The following EPHX3 variants were observed in gnomAD, a reference collection of about 807,000 sequenced individuals.
The protein encoded by EPHX3 is abhydrolase domain containing 9.
EPHX3 carries 39 observed loss-of-function variants against 40.2 expected under a neutral mutation model. The ratio of observed to expected loss-of-function variants is 0.97; its 90% CI spans 0.75 to 1.27. The LOEUF is 1.27. EPHX3 is among the 50% of genes most tolerant of loss of function. The pLI, the probability that EPHX3 is intolerant of heterozygous loss-of-function variation, is 0.00. For missense variants in EPHX3, 442 were observed against 474.0 expected (o/e 0.93, Z 0.63); for synonymous variants, 213 against 209.7 (o/e 1.02, Z -0.14).
chr19:15,230,926 T>C (rs1218230110), intron 4 of EPHX3, 36 bp downstream of exon 4: 7 of 1,609,184 alleles, frequency 4.4e-6, no homozygotes, highest in Non-Finnish European at 5.9e-6. Context: ...CCCTTGCACA[T>C]AAGTACATCC....
At chr19:15,231,453 C>A in intron 2 of EPHX3, 57 bp from the exon 3 acceptor site, 1 of 1,579,988 alleles carries the variant, frequency 6.3e-7, no homozygotes, top group African/African-American at 1.3e-5. Context: ...GCACCTGCAC[C>A]CTACGCACAT....
At chr19:15,233,053 T>C (rs2145487160), upstream of EPHX3, 1 of 134,444 alleles carries the variant, frequency 7.4e-6, no homozygotes, top group East Asian at 2.5e-4. Context: ...CTTATGCGGG[T>C]GGGCGGGGAG....
At chr19:15,235,125 C>T (rs1483352146), upstream of EPHX3, among the ~76,000 whole-genome samples, 7 of 152,048 alleles carry the variant, frequency 4.6e-5, no homozygotes, top group Non-Finnish European at 1.0e-4. Context: ...CCTCAGCCTC[C>T]GGAGTAGCCG....
rs1409360396 is a variant in EPHX3 at position 15,232,047 on chromosome 19, G to C, written c.165C>G (p.Cys55Trp). Reference sequence around the variant, plus strand: ...GGGACGCGCTCCGACGGCGCCCGCAGCAGCCGCGCCGGGGCCGGCACAGCA... The same window carrying C: ...GGGACGCGCTCCGACGGCGCCCGCACCAGCCGCGCCGGGGCCGGCACAGCA... ...THVLCRPRRG[C>W]CGRRRSASPA... The change falls in exon 1 of 7, where the codon TGC (cysteine) becomes TGG (tryptophan). Residue 55 changes from cysteine to tryptophan, a missense_variant. Transcript: ENST00000221730. 1.9e-6 allele frequency: 3 copies of C among 1,582,400 alleles called. No homozygotes were observed. Among genetic ancestry groups the C allele is most frequent in the Non-Finnish European group, 2.6e-6 (3 of 1,170,928 alleles).
Position 15,227,107 on chromosome 19 carries a change from T to C in EPHX3, c.*330A>G, listed in dbSNP as rs917194811. On this transcript the variant is annotated 3_prime_UTR_variant, in exon 7 of 7. Coordinates refer to ENST00000221730, the MANE Select transcript of EPHX3 (RefSeq NM_024794.3). ...TGCAGCTATGGCAGAGAAGCGACTTTGGCAAAGCGCAGAGTGAGGCCCCAG... is the reference window on the plus strand; with the variant it reads ...TGCAGCTATGGCAGAGAAGCGACTTCGGCAAAGCGCAGAGTGAGGCCCCAG... 1 of 367,054 alleles carries C rather than the reference T, an allele frequency of 2.7e-6. No homozygotes were observed. Among genetic ancestry groups the C allele is most frequent in the African/African-American group, 2.1e-5 (1 of 48,746 alleles). The allele number at this position is 367,054 out of a possible 1,614,324, so 22.7% of individuals were successfully genotyped here. A position where few individuals can be genotyped will look rare whatever the true frequency, so the allele number is the denominator to read the frequency against.
chr19:15,227,816 G>A lies in EPHX3; in HGVS notation c.812C>T (p.Pro271Leu). ...LEAFLYNFSQ[P>L]GGLTGPLNYY... ...GTTGAGGGGCCCAGTGAGGCCACCA[G>A]GCTGTGAGAAGTTATAAAGGAAGGC... is the stretch of plus-strand genomic sequence containing the variant. Residue 271 changes from proline (P) to leucine (L), a missense_variant, in exon 6 of 7, where the codon CCT becomes CTT. Physicochemically the swap from Pro to Leu is moderately conservative, Grantham distance 98. Coordinates refer to ENST00000221730, the MANE Select transcript of EPHX3 (RefSeq NM_024794.3). The A allele has an allele frequency of 6.2e-7, 1 of 1,614,038 alleles. No homozygotes were observed. The highest frequency in any genetic ancestry group is 1.1e-5 in the South Asian group (1 of 91,084).
upstream of EPHX3, among the ~76,000 whole-genome samples, chr19:15,232,658 C>A (rs2047164304): frequency 6.6e-6 from 1 of 152,062 alleles, no homozygotes; most frequent in Non-Finnish European, 1.5e-5. Context: ...GGGCGGATCA[C>A]CTGAGATCAA....
Position 15,231,971 on chromosome 19 carries a change from T to G in EPHX3, c.241A>C (p.Lys81Gln). 1 of 1,611,832 alleles carries G rather than the reference T, an allele frequency of 6.2e-7. No homozygotes were observed. Among genetic ancestry groups the G allele is most frequent in the Non-Finnish European group, 8.5e-7 (1 of 1,179,782 alleles). The part of the protein sequence containing the change: ...SLGEHGFLNL[K>Q]SSGLRLHYVS... ...CGATAGCGCCCCCGTGCGATCACCT[T>G]GAGGTTCAGGAAACCGTGCTCACCC... The change falls in exon 1 of 7, where the codon AAG becomes CAG. Residue 81 changes from lysine (K) to glutamine (Q), a missense_variant and splice_region_variant. By Grantham distance (53) the Lys-to-Gln change is moderately conservative. Transcript: ENST00000221730.
Position 15,227,611 on chromosome 19 carries a change from C to A in EPHX3, c.909G>T (p.Trp303Cys), listed in dbSNP as rs771329246. The A allele has an allele frequency of 4.3e-6, 7 of 1,614,140 alleles. No individual in the cohort carries two copies. The highest frequency in any genetic ancestry group is 5.9e-6 in the Non-Finnish European group (7 of 1,180,038). The change falls in exon 7 of 7, where the codon TGG becomes TGT. Residue 303 changes from tryptophan to cysteine, a missense_variant. By Grantham distance (215) the Trp-to-Cys change is radical. Coordinates refer to ENST00000221730, the MANE Select transcript of EPHX3 (RefSeq NM_024794.3). ...GCTCCAAGTAAGTGTCCTTCTCCCC[C>A]CACAGCAGCAATGTGGGTGTGGTCA... is the stretch of plus-strand genomic sequence containing the variant. ...QELTTPTLLL[W>C]GEKDTYLELG...
In EPHX3 at chr19:15,228,285, T is replaced by C. The variant is rs190521108; in HGVS notation, c.617-185A>G. ...GCACCAGCTACATTCCCTCCTGCCATGTTTCACTATCCACAGGATGGGGGC... is the reference window on the plus strand; with the variant it reads ...GCACCAGCTACATTCCCTCCTGCCACGTTTCACTATCCACAGGATGGGGGC... On this transcript the variant is annotated intron_variant, in intron 4 of 6. Transcript: ENST00000221730. Among the ~76,000 whole-genome samples, 43 of 152,164 alleles carry C rather than the reference T, an allele frequency of 2.8e-4. 1 individual carries two copies. The highest frequency in any genetic ancestry group is 6.8e-3 in the Middle Eastern group (2 of 294).
At chr19:15,234,030 A>C (rs1017972359), upstream of EPHX3, among the ~76,000 whole-genome samples, 2 of 151,500 alleles carry the variant, frequency 1.3e-5, no homozygotes, top group Non-Finnish European at 2.9e-5. Flanking sequence ...ACTGCACTCC[A>C]GCCAGGGCGA....
Position 15,227,606 on chromosome 19 carries a change from TC to T in EPHX3, c.913del (p.Glu305ArgfsTer31). The T allele has an allele frequency of 1.9e-6, 3 of 1,613,846 alleles. No homozygotes were observed. Among genetic ancestry groups the T allele is most frequent in the Non-Finnish European group, 1.7e-6 (2 of 1,179,988 alleles). ...CCCCAGCTCCAAGTAAGTGTCCTTC[TC>T]CCCCCACAGCAGCAATGTGGGTGTG... ...LTTPTLLLWG[E>X]KDTYLELGLV... On this transcript the variant is annotated frameshift_variant, in exon 7 of 7. Coordinates refer to ENST00000221730, the MANE Select transcript of EPHX3 (RefSeq NM_024794.3). LOFTEE classifies it high-confidence loss of function.
At chr19:15,236,148 G>C (rs2047190480), upstream of EPHX3, 1 of 152,178 alleles carries the variant, frequency 6.6e-6, no homozygotes, top group Non-Finnish European at 1.5e-5. Context: ...GACCTTTCAG[G>C]TCAAAAAGAG....
upstream of EPHX3, among the ~76,000 whole-genome samples, chr19:15,234,816 G>A (rs2047179496): frequency 6.6e-6 from 1 of 152,174 alleles, no homozygotes; most frequent in Admixed American, 6.5e-5. Context: ...CTAAGTCCAT[G>A]AAGTTGCCAC....
chr19:15,231,201 T>C (rs761171167), intron 3 of EPHX3, 38 bp downstream of exon 3: 32 of 1,613,218 alleles, frequency 2.0e-5, no homozygotes, highest in Non-Finnish European at 2.6e-5. Flanking sequence ...GTGTGCAGGA[T>C]GAGGGAGGCC....
Position 15,227,387 on chromosome 19 carries a change from T to G in EPHX3, c.*50A>C. The G allele has an allele frequency of 6.9e-7, 1 of 1,451,404 alleles. No individual in the cohort carries two copies. The highest frequency in any genetic ancestry group is 1.1e-5 in the South Asian group (1 of 87,490). 89.9% of individuals were successfully genotyped at this position (1,451,404 alleles called of 1,614,324 possible). ...CCCAGGCACACACAGATAATGGGTGTGTGTTCCTTCCTGAGTATCCATGCC... is the reference window on the plus strand; with the variant it reads ...CCCAGGCACACACAGATAATGGGTGGGTGTTCCTTCCTGAGTATCCATGCC... On this transcript the variant is annotated 3_prime_UTR_variant, in exon 7 of 7. Coordinates refer to ENST00000221730, the MANE Select transcript of EPHX3 (RefSeq NM_024794.3).
chr19:15,231,123 G>C, intron 3 of EPHX3, 33 bp from the exon 4 acceptor site: 1 of 1,613,628 alleles, frequency 6.2e-7, no homozygotes, highest in Non-Finnish European at 8.5e-7. Context: ...CATAAGTGAG[G>C]TGCCCAGTAG....
chr19:15,230,310 A>C (rs1396324069), intron 4 of EPHX3, among the ~76,000 whole-genome samples: 1 of 151,914 alleles, frequency 6.6e-6, no homozygotes, highest in Non-Finnish European at 1.5e-5. Flanking sequence ...CTGAGACTAC[A>C]AGCGTGCACT....
At position 15,232,147 on chromosome 19, in the gene EPHX3, G is replaced by C. The variant is rs1453593798; in HGVS notation, c.65C>G (p.Ala22Gly). 35 of 1,532,566 alleles carry C rather than the reference G, an allele frequency of 2.3e-5. No individual in the cohort carries two copies. Among genetic ancestry groups the C allele is most frequent in the Non-Finnish European group, 3.1e-5 (35 of 1,147,092 alleles). The allele number at this position is 1,532,566 out of a possible 1,614,324, so 94.9% of individuals were successfully genotyped here. ...PSRLSLKLLR[A>G]FMWSLVFSVA... is the part of the protein sequence containing the mutation. ...CGAGAACACCAGGCTCCACATGAAGGCGCGCAGCAGCTTCAGCGACAGGCG... is the reference window on the plus strand; with the variant it reads ...CGAGAACACCAGGCTCCACATGAAGCCGCGCAGCAGCTTCAGCGACAGGCG... Residue 22 changes from alanine (A) to glycine (G), a missense_variant, in exon 1 of 7, where the codon GCC (alanine) becomes GGC (glycine). Physicochemically the swap from Ala to Gly is moderately conservative, Grantham distance 60 (BLOSUM62 0). Coordinates refer to ENST00000221730, the MANE Select transcript of EPHX3 (RefSeq NM_024794.3).
Sources: allele counts gnomAD v4.1 joint callset (sites outside exome capture counted in the v4.1 genomes callset), GRCh38; gene constraint gnomAD v4.1.1; transcripts MANE v1.5; gene names NCBI Gene and HGNC (gene_info 2026-07-23, HGNC 2026-07-21).